The following KHDRBS3 variants were observed in gnomAD, a reference collection of about 807,000 sequenced individuals.
KHDRBS3 encodes the protein KH RNA binding domain containing, signal transduction associated 3.
A neutral mutation model predicts 45.6 loss-of-function variants in KHDRBS3; 23 were observed. The ratio of observed to expected loss-of-function variants is 0.50; its 90% CI spans 0.36 to 0.72. The LOEUF (loss-of-function observed/expected upper bound fraction) is 0.72, where lower values mean the gene tolerates loss of function less well. KHDRBS3 is among the 30% of genes least tolerant of loss of function. KHDRBS3 has a pLI of 0.00. For synonymous variants in KHDRBS3, 162 were observed against 156.5 expected (o/e 1.04, Z -0.26); for missense variants, 352 against 424.8 (o/e 0.83, Z 1.51).
At chr8:135,468,174 G>A (rs1415178907) in intron 1 of KHDRBS3, among the ~76,000 whole-genome samples, 1 of 152,104 alleles carries the variant, frequency 6.6e-6, no homozygotes, top group African/African-American at 2.4e-5. Context: ...GCCATTGAGG[G>A]CCCTTTGCTC....
chr8:135,551,175 A>T (rs1826578334), intron 4 of KHDRBS3, among the ~76,000 whole-genome samples: 1 of 152,146 alleles, frequency 6.6e-6, no homozygotes, highest in Admixed American at 6.5e-5. Flanking sequence ...GGAATACAGG[A>T]GCATGTCATC....
intron 7 of KHDRBS3, among the ~76,000 whole-genome samples, chr8:135,642,761 G>A (rs1314178253): frequency 2.6e-5 from 4 of 151,572 alleles, no homozygotes; most frequent in African/African-American, 7.3e-5. Flanking sequence ...TGTGGAAGAA[G>A]TATTCTAAGG....
intron 7 of KHDRBS3, among the ~76,000 whole-genome samples, chr8:135,610,554 T>G (rs1271347036): frequency 6.6e-6 from 1 of 151,890 alleles, no homozygotes; most frequent in Admixed American, 6.6e-5. Flanking sequence ...AAAAGCTTAC[T>G]GGCTAGAAAA....
intron 7 of KHDRBS3, among the ~76,000 whole-genome samples, chr8:135,607,900 A>G (rs1281113374): frequency 1.3e-5 from 2 of 152,188 alleles, no homozygotes; most frequent in East Asian, 3.8e-4. Flanking sequence ...GGGATATAAA[A>G]AAAACTCTTT....
chr8:135,510,373 G>A (rs1028138501), intron 1 of KHDRBS3, among the ~76,000 whole-genome samples: 23 of 152,198 alleles, frequency 1.5e-4, no homozygotes, highest in Admixed American at 8.5e-4. Context: ...TAAAATGTTT[G>A]TAGAAACAAG....
At chr8:135,528,880 C>T (rs930721210) in intron 2 of KHDRBS3, among the ~76,000 whole-genome samples, 1 of 152,134 alleles carries the variant, frequency 6.6e-6, no homozygotes, top group Non-Finnish European at 1.5e-5. Flanking sequence ...CTCATGACTT[C>T]AGCACTTCCC....
At position 135,552,525 on chromosome 8, in the gene KHDRBS3, G is replaced by A. The variant is rs148704818; in HGVS notation, c.471+3625G>A. ...TTTTCTCCCCCTGAGTATAGGTCACGTTTTCCTGTTTCTTTGCATGTTTCT... is the reference window on the plus strand; with the variant it reads ...TTTTCTCCCCCTGAGTATAGGTCACATTTTCCTGTTTCTTTGCATGTTTCT... On this transcript the variant is annotated intron_variant, in intron 4 of 8. Transcript: ENST00000355849. Among the ~76,000 whole-genome samples the A allele has an allele frequency of 3.7e-3, 570 of 152,110 alleles. 1 individual carries two copies. The highest frequency in any genetic ancestry group is 0.013 in the African/African-American group (543 of 41,516).
At chr8:135,501,747 AT>A (rs1215758460) in intron 1 of KHDRBS3, among the ~76,000 whole-genome samples, 1 of 152,022 alleles carries the variant, frequency 6.6e-6, no homozygotes, top group African/African-American at 2.4e-5. Flanking sequence ...ATATAGTAGA[AT>A]TTTCTTTAAT....
intron 5 of KHDRBS3, among the ~76,000 whole-genome samples, chr8:135,578,051 C>T (rs1443114410): frequency 6.6e-6 from 1 of 152,068 alleles, no homozygotes; most frequent in Non-Finnish European, 1.5e-5. Context: ...GTTGTCTGTT[C>T]AAGTATTTTG....
intron 7 of KHDRBS3, among the ~76,000 whole-genome samples, chr8:135,631,252 GAAAAAAAA>G (rs35613635): frequency 5.3e-5 from 4 of 74,990 alleles, no homozygotes; most frequent in East Asian, 4.0e-4. Context: ...CTCCGTCTCG[GAAAAAAAA>G]AAAAAAAAAA....
At chr8:135,477,094 G>C (rs896120843) in intron 1 of KHDRBS3, among the ~76,000 whole-genome samples, 5 of 152,048 alleles carry the variant, frequency 3.3e-5, no homozygotes, top group African/African-American at 7.2e-5. Flanking sequence ...TCCAGGATCT[G>C]TTTTCCAGAT....
chr8:135,521,109 C>T, intron 1 of KHDRBS3, 128 bp from the exon 2 acceptor site: 3 of 631,956 alleles, frequency 4.7e-6, no homozygotes, highest in Non-Finnish European at 2.8e-6. Flanking sequence ...TACTTGAAAA[C>T]ATTTGCCTCA....
At chr8:135,562,474 C>T (rs149818666) in intron 5 of KHDRBS3, among the ~76,000 whole-genome samples, 310 of 152,338 alleles carry the variant, frequency 2.0e-3, no homozygotes, top group African/African-American at 7.0e-3. Flanking sequence ...ATGACAAAAA[C>T]ACCTAAGGAG....
chr8:135,602,851 T>A (rs1269324376), intron 6 of KHDRBS3, among the ~76,000 whole-genome samples: 2 of 152,182 alleles, frequency 1.3e-5, no homozygotes, highest in African/African-American at 4.8e-5. Context: ...CTTAACTTGG[T>A]CCTTCATGAG....
intron 4 of KHDRBS3, among the ~76,000 whole-genome samples, chr8:135,556,935 CT>C (rs1459778710): frequency 1.3e-5 from 2 of 152,124 alleles, no homozygotes; most frequent in East Asian, 3.9e-4. Flanking sequence ...GTATAATTTT[CT>C]ACTGGAAATG....
At chr8:135,644,268 G>A (rs1274063591) in intron 7 of KHDRBS3, among the ~76,000 whole-genome samples, 1 of 152,164 alleles carries the variant, frequency 6.6e-6, no homozygotes, top group East Asian at 1.9e-4. Flanking sequence ...CCCTCTTGCT[G>A]TCAGTGATGG....
In KHDRBS3 at chr8:135,469,535, T is replaced by TTTTTTTA. The variant is rs1821897431; in HGVS notation, c.88+11587_88+11588insATTTTTT. On this transcript the variant is annotated intron_variant, in intron 1 of 8. Coordinates refer to ENST00000355849, the MANE Select transcript of KHDRBS3 (RefSeq NM_006558.3). ...TTTTTTTGTTTTGGTTTTTTTTTTT[T>TTTTTTTA]TTTTTTTTTTTTGAGACGAGTCTCG... 1.6e-3 allele frequency among the ~76,000 whole-genome samples: 140 copies of TTTTTTTA among 88,968 alleles called. 2 individuals carry two copies. The highest frequency in any genetic ancestry group is 5.2e-3 in the African/African-American group (122 of 23,372). 58.4% of individuals were successfully genotyped at this position (88,968 alleles called of 152,430 possible). A position where few individuals can be genotyped will look rare whatever the true frequency, so the allele number is the denominator to read the frequency against.
At chr8:135,542,258 A>G (rs1477030583) in intron 2 of KHDRBS3, 1 of 157,182 alleles carries the variant, frequency 6.4e-6, no homozygotes, top group Non-Finnish European at 1.4e-5. Context: ...CAGGTATTCC[A>G]CAGTGACCAG....
rs140237694 is a variant in KHDRBS3, at chr8:135,646,174, T to C, written c.950-819T>C. On this transcript the variant is annotated intron_variant, in intron 8 of 8. Coordinates refer to ENST00000355849, the MANE Select transcript of KHDRBS3 (RefSeq NM_006558.3). ...TAAGCATTTTTCCTTCACAGCTTTTTAAATTGGTCTCTGTGGACACATGGC... is the reference window on the plus strand; with the variant it reads ...TAAGCATTTTTCCTTCACAGCTTTTCAAATTGGTCTCTGTGGACACATGGC... 2.9e-3 allele frequency among the ~76,000 whole-genome samples: 436 copies of C among 152,206 alleles called. 3 individuals carry two copies. The highest frequency in any genetic ancestry group is 9.8e-3 in the African/African-American group (407 of 41,520).
Sources: gnomAD v4.1 joint callset for allele counts (sites outside exome capture counted in the v4.1 genomes callset) on GRCh38, gnomAD v4.1.1 for gene constraint, MANE v1.5 for transcripts, NCBI Gene and HGNC (gene_info 2026-07-23, HGNC 2026-07-21) for gene names.